The following IL1RAPL2 variants were observed in gnomAD, a reference collection of about 807,000 sequenced individuals.
The protein encoded by IL1RAPL2 is X-linked interleukin-1 receptor accessory protein-like 2.
In IL1RAPL2, 3 loss-of-function variants were observed where a neutral mutation model predicts 44.1. That is an observed-to-expected ratio of 0.07 (90% CI 0.03 to 0.18). IL1RAPL2 has a LOEUF of 0.18. Ranked by LOEUF, IL1RAPL2 falls within the 10% of genes least tolerant of loss-of-function variation. The pLI is 1.00. For synonymous variants in IL1RAPL2, 181 were observed against 178.8 expected (o/e 1.01, Z -0.10); for missense variants, 391 against 496.4 (o/e 0.79, Z 2.02).
At chrX:104,709,449 A>T (rs1409505627) in intron 2 of IL1RAPL2, among the ~76,000 whole-genome samples, 1 of 110,355 alleles carries the variant, frequency 9.1e-6, no homozygotes, top group African/African-American at 3.3e-5. Context: ...ACTGACGAGT[A>T]CTTTCTATAT....
At chrX:105,345,453 T>C (rs935014717) in intron 5 of IL1RAPL2, among the ~76,000 whole-genome samples, 1 of 111,849 alleles carries the variant, frequency 8.9e-6, no homozygotes, top group Admixed American at 9.5e-5. Context: ...GTCGTGTTAA[T>C]ATGAAGCCCT....
chrX:104,961,286 T>C (rs1170035414), intron 2 of IL1RAPL2, among the ~76,000 whole-genome samples: 1 of 111,871 alleles, frequency 8.9e-6, no homozygotes, highest in East Asian at 2.8e-4. Context: ...TGCCTTGAAG[T>C]AGGATCACAT....
intron 5 of IL1RAPL2, among the ~76,000 whole-genome samples, chrX:105,448,673 A>G (rs1443573176): frequency 9.0e-6 from 1 of 111,011 alleles, no homozygotes; most frequent in Non-Finnish European, 1.9e-5. Flanking sequence ...CCTAAGGTCA[A>G]TAACTCTTAT....
rs746238792 is a variant in IL1RAPL2, at chrX:105,070,729, ATGTGTG to A, written c.83-124726_83-124721del. On this transcript the variant is annotated intron_variant, in intron 2 of 10. Coordinates refer to ENST00000372582, the MANE Select transcript of IL1RAPL2 (RefSeq NM_017416.2). ...AATAAAAAAATATATATATATATTT[ATGTGTG>A]TGTGTGTGTGTGTGTGTGTTCACCT... Among the ~76,000 whole-genome samples the A allele has an allele frequency of 2.8e-4, 29 of 104,816 alleles. 1 individual carries two copies. The highest frequency in any genetic ancestry group is 1.8e-3 in the East Asian group (6 of 3,348). The allele number at this position is 104,816 out of a possible 115,157, so 91.0% of individuals were successfully genotyped here.
At chrX:105,562,912 G>A (rs2036949695) in intron 6 of IL1RAPL2, among the ~76,000 whole-genome samples, 1 of 112,005 alleles carries the variant, frequency 8.9e-6, no homozygotes, top group Admixed American at 9.5e-5. Context: ...GAAAATAAAA[G>A]TTCTTGCTTT....
chrX:105,262,403 A>G (rs888110273), intron 4 of IL1RAPL2, among the ~76,000 whole-genome samples: 1 of 112,030 alleles, frequency 8.9e-6, no homozygotes, highest in African/African-American at 3.2e-5. Context: ...ACACATGTAT[A>G]ACCTGAAAGC....
chrX:105,035,629 A>G (rs2031615333), intron 2 of IL1RAPL2, among the ~76,000 whole-genome samples: 1 of 112,427 alleles, frequency 8.9e-6, no homozygotes, highest in African/African-American at 3.2e-5. Flanking sequence ...ATACCTATTT[A>G]TATCCCATGG....
At chrX:105,650,876 G>A (rs767321705) in intron 6 of IL1RAPL2, among the ~76,000 whole-genome samples, 11 of 111,977 alleles carry the variant, frequency 9.8e-5, no homozygotes, top group Non-Finnish European at 2.1e-4. Context: ...CAGAAAAAAA[G>A]GTTGATTTTT....
chrX:105,092,920 C>A (rs1325221179), intron 2 of IL1RAPL2, among the ~76,000 whole-genome samples: 3 of 110,600 alleles, frequency 2.7e-5, no homozygotes, highest in African/African-American at 6.6e-5. Context: ...TAACCCTATA[C>A]ATAGAATAAA....
intron 5 of IL1RAPL2, among the ~76,000 whole-genome samples, chrX:105,433,792 T>C (rs767723523): frequency 7.1e-4 from 79 of 111,250 alleles, no homozygotes; most frequent in African/African-American, 2.5e-3. Flanking sequence ...ACCTCTTGTG[T>C]GCAAGTAGAT....
chrX:105,030,111 T>G (rs1455697769), intron 2 of IL1RAPL2, among the ~76,000 whole-genome samples: 1 of 111,709 alleles, frequency 9.0e-6, no homozygotes, highest in Non-Finnish European at 1.9e-5. Flanking sequence ...TTTTTTCTTG[T>G]AAATTTGTTG....
At chrX:104,957,014 C>T (rs1313760123) in intron 2 of IL1RAPL2, among the ~76,000 whole-genome samples, 1 of 111,935 alleles carries the variant, frequency 8.9e-6, no homozygotes. Context: ...GGTGGCTTAG[C>T]TAGAAGGTGC....
At chrX:104,891,963 T>C (rs974984277) in intron 2 of IL1RAPL2, among the ~76,000 whole-genome samples, 2 of 111,556 alleles carry the variant, frequency 1.8e-5, no homozygotes, top group South Asian at 3.8e-4. Flanking sequence ...TTTTGAGATA[T>C]ATCCCATCAA....
intron 5 of IL1RAPL2, among the ~76,000 whole-genome samples, chrX:105,374,246 T>A: frequency 9.0e-6 from 1 of 111,257 alleles, no homozygotes; most frequent in East Asian, 2.8e-4. Context: ...AGTCCTGTAG[T>A]ATAGTTTGAA....
At position 104,599,650 on chromosome X, in the gene IL1RAPL2, GCACACACACACA is replaced by G. The variant is rs35769134; in HGVS notation, c.-20+32633_-20+32644del. ...GAAAAGGAAACTTTTGATGGATTTA[GCACACACACACA>G]CACACACACACACACACACACACAC... is the stretch of plus-strand genomic sequence containing the variant. On this transcript the variant is annotated intron_variant, in intron 1 of 10. Coordinates refer to ENST00000372582, the MANE Select transcript of IL1RAPL2 (RefSeq NM_017416.2). Among the ~76,000 whole-genome samples, 70 of 86,166 alleles carry G rather than the reference GCACACACACACA, an allele frequency of 8.1e-4. No homozygotes were observed. In the South Asian group the frequency reaches 0.017, roughly 21 times the overall value. 74.8% of individuals were successfully genotyped at this position (86,166 alleles called of 115,157 possible).
chrX:105,709,784 T>C (rs1275034959), intron 6 of IL1RAPL2, among the ~76,000 whole-genome samples: 1 of 111,106 alleles, frequency 9.0e-6, no homozygotes, highest in Non-Finnish European at 1.9e-5. Flanking sequence ...CCAAAGGAAA[T>C]GAAAAAGGAA....
At chrX:105,427,405 A>G (rs1466842760) in intron 5 of IL1RAPL2, among the ~76,000 whole-genome samples, 1 of 112,092 alleles carries the variant, frequency 8.9e-6, no homozygotes, top group Non-Finnish European at 1.9e-5. Flanking sequence ...GGCCCTGAGA[A>G]GGATTTTTCC....
intron 2 of IL1RAPL2, among the ~76,000 whole-genome samples, chrX:104,760,734 C>T (rs1405400118): frequency 4.5e-5 from 5 of 111,026 alleles, no homozygotes; most frequent in Admixed American, 1.9e-4. Flanking sequence ...TGATGCGGGT[C>T]GTATCTTTGT....
At chrX:105,067,712 T>C (rs2032154977) in intron 2 of IL1RAPL2, among the ~76,000 whole-genome samples, 1 of 112,066 alleles carries the variant, frequency 8.9e-6, no homozygotes, top group African/African-American at 3.2e-5. Context: ...GTGAAATAAG[T>C]ACATATGATT....
Sources: gnomAD v4.1 joint callset for allele counts (sites outside exome capture counted in the v4.1 genomes callset) on GRCh38, gnomAD v4.1.1 for gene constraint, MANE v1.5 for transcripts, NCBI Gene and HGNC (gene_info 2026-07-23, HGNC 2026-07-21) for gene names.